Variants in ZAN observed in about 807,000 individuals in gnomAD.
ZAN encodes the protein zonadhesin (gene/pseudogene).
Under a neutral mutation model 286.2 loss-of-function variants are expected in ZAN, and 260 were observed. The ratio of observed to expected loss-of-function variants is 0.91; its 90% CI spans 0.82 to 1.01. The LOEUF (loss-of-function observed/expected upper bound fraction) is 1.01. ZAN is among the 50% of genes least tolerant of loss of function. The pLI is 0.00. For missense variants in ZAN, 3,410 were observed against 3,639.2 expected (o/e 0.94, Z 1.62); for synonymous variants, 1,368 against 1,417.5 (o/e 0.97, Z 0.79).
rs528625368 is a variant in ZAN at position 100,792,529 on chromosome 7, G to T, written c.7787+50G>T. On this transcript the variant is annotated intron_variant, in intron 42 of 47. Coordinates refer to ENST00000613979, the MANE Select transcript of ZAN (RefSeq NM_003386.3). ...GGGCGCTGCCCTGGCTGGCTGGCGG[G>T]ACCGCACCCTCTGCGGTGAGGTGTT... 3 of 1,610,378 alleles carry T rather than the reference G, an allele frequency of 1.9e-6. No individual in the cohort carries two copies. In the African/African-American group the frequency reaches 4.0e-5, roughly 21 times the overall value.
At chr7:100,756,153 A>G (rs117747414) in intron 15 of ZAN, among the ~76,000 whole-genome samples, 2,640 of 152,328 alleles carry the variant, frequency 0.017, 35 homozygotes, top group Middle Eastern at 0.024. Flanking sequence ...AAGATTTTCT[A>G]CCTCATATAA....
In ZAN at chr7:100,735,802, TCTC is replaced by T. The variant is rs761575681; in HGVS notation, c.106+35_106+37del. On this transcript the variant is annotated intron_variant, in intron 3 of 47. Coordinates refer to ENST00000613979, the MANE Select transcript of ZAN (RefSeq NM_003386.3). Reference sequence around the variant, plus strand: ...GTTGGAAACCAGGAGTGCTAAGATTTCTCCTCCCTCCTCCGAACCCACATTCTG... The same window carrying T: ...GTTGGAAACCAGGAGTGCTAAGATTTCTCCCTCCTCCGAACCCACATTCTG... The T allele has an allele frequency of 1.4e-3, 2,034 of 1,441,632 alleles. 376 individuals carry two copies. The highest frequency in any genetic ancestry group is 1.7e-3 in the Non-Finnish European group (1,748 of 1,052,148). The allele number at this position is 1,441,632 out of a possible 1,614,324, so 89.3% of individuals were successfully genotyped here.
intron 28 of ZAN, among the ~76,000 whole-genome samples, chr7:100,770,373 G>A (rs949400470): frequency 1.3e-5 from 2 of 151,464 alleles, no homozygotes; most frequent in Admixed American, 1.3e-4. Flanking sequence ...GCCTGGTGAC[G>A]GGCACCTGTA....
intron 7 of ZAN, among the ~76,000 whole-genome samples, chr7:100,743,803 G>A (rs1807986267): frequency 6.6e-6 from 1 of 151,508 alleles, no homozygotes; most frequent in Non-Finnish European, 1.5e-5. Flanking sequence ...ATTGAGCCTG[G>A]GAGGTGGAGG....
In ZAN at chr7:100,758,319, G is replaced by A; in HGVS notation, c.3427G>A (p.Gly1143Ser). Residue 1143 changes from glycine (G) to serine (S), a missense_variant, in exon 16 of 48, where the codon GGC becomes AGC. By Grantham distance (56) the Gly-to-Ser change is moderately conservative. This residue lies in a region of ZAN where 1,042 missense variants were observed against 1,058.0 expected (regional missense o/e 0.98). Transcript: ENST00000613979. ...ACACACCGTGTGCCAGCTTAAGAATGGCCAGTATGGATGCCACCCCTACGG... is the reference window on the plus strand; with the variant it reads ...ACACACCGTGTGCCAGCTTAAGAATAGCCAGTATGGATGCCACCCCTACGG... Reference protein sequence around the residue: ...GTHTVCQLKNGQYGCHPYAGT... With the variant: ...GTHTVCQLKNSQYGCHPYAGT... 6.2e-7 allele frequency: 1 copy of A among 1,613,162 alleles called. No homozygotes were observed.
At position 100,738,594 on chromosome 7, in the gene ZAN, C is replaced by G; in HGVS notation, c.747C>G (p.Gly249=). Residue 249 remains glycine (G), a synonymous_variant, in exon 7 of 48, where the codon GGC becomes GGG. Transcript: ENST00000613979. ...SSGKPGVGPD[G]DFSSPGSGCY... ...GAAAGCCAGGCGTGGGGCCTGATGG[C>G]GACTTCTCTAGCCCTGGTAGTGAGT... 6.6e-7 allele frequency: 1 copy of G among 1,517,692 alleles called. No individual in the cohort carries two copies. The highest frequency in any genetic ancestry group is 1.8e-5 in the Admixed American group (1 of 56,890). 94.0% of individuals were successfully genotyped at this position (1,517,692 alleles called of 1,614,324 possible). A position where few individuals can be genotyped will look rare whatever the true frequency, so the allele number is the denominator to read the frequency against.
intron 11 of ZAN, among the ~76,000 whole-genome samples, chr7:100,749,650 AAATATATAT>A (rs1808493327): frequency 8.3e-6 from 1 of 121,184 alleles, no homozygotes; most frequent in African/African-American, 3.0e-5. Context: ...AAAAAAAAAA[AAATATATAT>A]ATATATATAT....
At chr7:100,760,001 GC>G (rs1033561318) in intron 18 of ZAN, among the ~76,000 whole-genome samples, 156 bp downstream of exon 18, 1 of 152,018 alleles carries the variant, frequency 6.6e-6, no homozygotes, top group African/African-American at 2.4e-5. Context: ...ATTGCTTGAG[GC>G]CAGGAGTTTG....
At chr7:100,796,193 G>GT (rs1358563254) in intron 45 of ZAN, among the ~76,000 whole-genome samples, 8 of 152,118 alleles carry the variant, frequency 5.3e-5, no homozygotes, top group Non-Finnish European at 1.2e-4. Flanking sequence ...CCTGTGACCT[G>GT]TATCTCTCAC....
chr7:100,757,279 C>T lies in ZAN; in HGVS notation c.3310-923C>T, dbSNP rs533340733. ...GTGCTGGGATTACAGTGGTGAACCA[C>T]CACACCCAGCCTACTTAGTACTTTC... On this transcript the variant is annotated intron_variant, in intron 15 of 47. Coordinates refer to ENST00000613979, the MANE Select transcript of ZAN (RefSeq NM_003386.3). Among the ~76,000 whole-genome samples the T allele has an allele frequency of 1.4e-4, 21 of 152,214 alleles. No homozygotes were observed. The South Asian group carries it at 4.4e-3, about 32-fold the overall frequency.
intron 15 of ZAN, 109 bp from the exon 16 acceptor site, chr7:100,758,085 CAAATAAAT>C (rs71517126): frequency 0.058 from 45,952 of 795,076 alleles, 1,633 homozygotes; most frequent in Non-Finnish European, 0.06. Context: ...GACTCCATCA[CAAATAAAT>C]AAATAAATAA....
Position 100,784,837 on chromosome 7 carries a change from G to A in ZAN, c.6834+3G>A. On this transcript the variant is annotated splice_donor_region_variant and intron_variant, in intron 36 of 47. Transcript: ENST00000613979. ...ATGCCCATGGTGGCTCCATCCCTGT[G>A]AGTGGGCATGGGAAATGGGACTGGA... 6.3e-7 allele frequency: 1 copy of A among 1,584,984 alleles called. No individual in the cohort carries two copies. The highest frequency in any genetic ancestry group is 1.3e-5 in the African/African-American group (1 of 74,534).
At chr7:100,738,338 A>T in intron 6 of ZAN, 123 bp from the exon 7 acceptor site, 1 of 941,228 alleles carries the variant, frequency 1.1e-6, no homozygotes. Context: ...GGACCGCTTG[A>T]GTCCAGGAGT....
At chr7:100,789,660 A>G (rs1403518506) in intron 39 of ZAN, among the ~76,000 whole-genome samples, 1 of 151,944 alleles carries the variant, frequency 6.6e-6, no homozygotes, top group Non-Finnish European at 1.5e-5. Flanking sequence ...AAAAAATTTT[A>G]AAGGCCGTGC....
Position 100,737,371 on chromosome 7 carries a change from C to G in ZAN, c.613+22C>G, listed in dbSNP as rs750324983. 2.8e-5 allele frequency: 38 copies of G among 1,379,758 alleles called. 3 individuals carry two copies. In the South Asian group the frequency reaches 3.9e-4, roughly 14 times the overall value. The allele number at this position is 1,379,758 out of a possible 1,614,324, so 85.5% of individuals were successfully genotyped here. A position where few individuals can be genotyped will look rare whatever the true frequency, so the allele number is the denominator to read the frequency against. On this transcript the variant is annotated intron_variant, in intron 6 of 47. Coordinates refer to ENST00000613979, the MANE Select transcript of ZAN (RefSeq NM_003386.3). ...CGCGGTGAGTCCCTGTCCCTCCTCC[C>G]GCCTGCCCTCGGACCCTTTTCTCTC... is the stretch of plus-strand genomic sequence containing the variant.
chr7:100,748,111 C>T, intron 9 of ZAN, 26 bp from the exon 10 acceptor site: 1 of 1,607,478 alleles, frequency 6.2e-7, no homozygotes, highest in Non-Finnish European at 8.5e-7. Flanking sequence ...TGTGCTCACT[C>T]CTGCTCCATC....
chr7:100,756,189 C>A (rs963816000), intron 15 of ZAN, among the ~76,000 whole-genome samples: 10 of 152,154 alleles, frequency 6.6e-5, no homozygotes, highest in Admixed American at 6.6e-4. Flanking sequence ...GAAATTAAGT[C>A]CTAACACATA....
chr7:100,768,580 C>G (rs10232130), intron 26 of ZAN, 30 bp from the exon 27 acceptor site: 512,982 of 1,554,670 alleles, frequency 0.33, 86,982 homozygotes, highest in African/African-American at 0.49. Flanking sequence ...GGGGCCCCTT[C>G]TTGCCTGTTT....
At chr7:100,789,774 A>T (rs1290831152) in intron 39 of ZAN, among the ~76,000 whole-genome samples, 1 of 151,910 alleles carries the variant, frequency 6.6e-6, no homozygotes, top group Non-Finnish European at 1.5e-5. Flanking sequence ...GCGAAACCCC[A>T]TCTCTACTAA....
Sources: gnomAD v4.1 joint callset for allele counts (sites outside exome capture counted in the v4.1 genomes callset) on GRCh38, gnomAD v4.1.1 for gene constraint, gnomAD v4.1.1 regional missense constraint, MANE v1.5 for transcripts, NCBI Gene and HGNC (gene_info 2026-07-23, HGNC 2026-07-21) for gene names.